Variants in PCDHA2 observed in about 807,000 individuals in gnomAD.
PCDHA2 encodes protocadherin alpha 2.
In PCDHA2, 58 loss-of-function variants were observed where a neutral mutation model predicts 66.0. That is an observed-to-expected ratio of 0.88 (90% CI 0.71 to 1.09). PCDHA2 has a LOEUF of 1.09. Ranked by LOEUF, PCDHA2 falls within the 50% of genes least tolerant of loss-of-function variation. PCDHA2 has a pLI of 0.00. For missense variants in PCDHA2, 1,267 were observed against 1,242.3 expected (o/e 1.02, Z -0.30); for synonymous variants, 634 against 554.0 (o/e 1.14, Z -2.03).
At chr5:140,923,116 T>C (rs1418111802) in intron 1 of PCDHA2, among the ~76,000 whole-genome samples, 1 of 152,216 alleles carries the variant, frequency 6.6e-6, no homozygotes, top group African/African-American at 2.4e-5. Flanking sequence ...TTTAAGTTTT[T>C]AGGGTCACAC....
intron 1 of PCDHA2, chr5:140,966,319 G>T: frequency 2.6e-6 from 1 of 388,824 alleles, no homozygotes; most frequent in Admixed American, 4.5e-5. Context: ...CCTGCGGTCC[G>T]CTGGGATCCG....
chr5:140,837,381 G>T (rs183895134), intron 1 of PCDHA2, among the ~76,000 whole-genome samples: 1 of 151,662 alleles, frequency 6.6e-6, no homozygotes, highest in Non-Finnish European at 1.5e-5. Flanking sequence ...TTTTTATTTT[G>T]TTCCTTGTTT....
chr5:140,939,812 A>T (rs1277082652), intron 1 of PCDHA2, among the ~76,000 whole-genome samples: 4 of 152,196 alleles, frequency 2.6e-5, no homozygotes, highest in Non-Finnish European at 2.9e-5. Flanking sequence ...ATGTTCAAGA[A>T]AAAGCAGTAT....
intron 1 of PCDHA2, among the ~76,000 whole-genome samples, chr5:140,922,066 C>A (rs1438475640): frequency 2.0e-5 from 3 of 151,528 alleles, no homozygotes; most frequent in Non-Finnish European, 4.4e-5. Context: ...TGTAGCAATC[C>A]CACTAAGCAA....
At chr5:140,802,412 C>T (rs782538317) in intron 1 of PCDHA2, 8 of 1,614,126 alleles carry the variant, frequency 5.0e-6, no homozygotes, top group African/African-American at 2.7e-5. Context: ...AGAATTACTA[C>T]TCATTGGTGC....
chr5:140,809,221 C>T, intron 1 of PCDHA2: 1 of 1,614,078 alleles, frequency 6.2e-7, no homozygotes. Context: ...CGCCAAAGGC[C>T]TCCTCACGGG....
Position 140,795,905 on chromosome 5 carries a change from A to G in PCDHA2, c.941A>G (p.Lys314Arg). 6.2e-7 allele frequency: 1 copy of G among 1,613,984 alleles called. No homozygotes were observed. Among genetic ancestry groups the G allele is most frequent in the Admixed American group, 1.7e-5 (1 of 60,026 alleles). ...GGAAAATTAGATTATGAAGAAGCAA[A>G]GTCCTACGAGATTCAGGTCACTGCA... ...TKGKLDYEEA[K>R]SYEIQVTATD... Residue 314 changes from lysine (K) to arginine (R), a missense_variant, in exon 1 of 4, where the codon AAG (lysine) becomes AGG (arginine). By Grantham distance (26) the Lys-to-Arg change is conservative. Coordinates refer to ENST00000526136, the MANE Select transcript of PCDHA2 (RefSeq NM_018905.3).
Position 140,927,631 on chromosome 5 carries a change from C to T in PCDHA2, c.2389-51318C>T, listed in dbSNP as rs760961070. 1.7e-5 allele frequency: 28 copies of T among 1,614,068 alleles called. No homozygotes were observed. In the Admixed American group the frequency reaches 2.5e-4, roughly 14 times the overall value. On this transcript the variant is annotated intron_variant, in intron 1 of 3. Coordinates refer to ENST00000526136, the MANE Select transcript of PCDHA2 (RefSeq NM_018905.3). ...CCGCACCAAGGTTCCAGAGACTGCA[C>T]CCAATGGGACTGTGTTATTCCGAGT...
chr5:140,808,267 A>AG (rs782560297), intron 1 of PCDHA2: 2 of 1,614,242 alleles, frequency 1.2e-6, no homozygotes, highest in Admixed American at 3.3e-5. Context: ...TTCCAATTAG[A>AG]GAGGACGCTC....
intron 1 of PCDHA2, chr5:140,835,779 G>A (rs1195624528): frequency 1.2e-6 from 2 of 1,613,242 alleles, no homozygotes; most frequent in African/African-American, 1.3e-5. Context: ...GTTCGTGAAG[G>A]AGAACAACCC....
At chr5:140,918,115 A>G (rs185486488) in intron 1 of PCDHA2, among the ~76,000 whole-genome samples, 14 of 152,198 alleles carry the variant, frequency 9.2e-5, no homozygotes, top group African/African-American at 3.1e-4. Flanking sequence ...CACATCCTTG[A>G]TTAGCCATAT....
intron 1 of PCDHA2, chr5:140,926,320 C>G (rs555057115): frequency 2.5e-3 from 377 of 152,358 alleles, no homozygotes; most frequent in Non-Finnish European, 3.8e-3. Flanking sequence ...AGAGGTGCGC[C>G]GGGGTCAGAG....
intron 1 of PCDHA2, among the ~76,000 whole-genome samples, chr5:140,955,006 C>G (rs1304080416): frequency 6.6e-6 from 1 of 152,154 alleles, no homozygotes; most frequent in African/African-American, 2.4e-5. Flanking sequence ...AGCCAATTCT[C>G]CCAGCACCAT....
chr5:140,966,234 C>T (rs77272068), intron 1 of PCDHA2: 2,919 of 290,608 alleles, frequency 0.01, 77 homozygotes, highest in African/African-American at 0.056. Context: ...CTTAAAGACC[C>T]GTTAAGCAGG....
At chr5:140,951,626 C>G (rs1182328214) in intron 1 of PCDHA2, among the ~76,000 whole-genome samples, 1 of 152,180 alleles carries the variant, frequency 6.6e-6, no homozygotes, top group East Asian at 1.9e-4. Context: ...AAGGGGGAAA[C>G]CTGCCCCATG....
intron 1 of PCDHA2, among the ~76,000 whole-genome samples, chr5:140,902,711 C>T (rs2153477998): frequency 6.6e-6 from 1 of 151,990 alleles, no homozygotes; most frequent in Middle Eastern, 3.4e-3. Context: ...TCTTTCACTC[C>T]CCTCCCACCC....
At chr5:140,823,528 G>T in intron 1 of PCDHA2, 1 of 1,613,758 alleles carries the variant, frequency 6.2e-7, no homozygotes. Context: ...GAGGTCAGTG[G>T]GTGCGGGCCA....
At chr5:140,926,911 G>A (rs1248832475) in intron 1 of PCDHA2, 4 of 1,561,318 alleles carry the variant, frequency 2.6e-6, no homozygotes, top group Non-Finnish European at 3.5e-6. Flanking sequence ...CTGTGGGGTG[G>A]CAGTTTTATG....
At chr5:140,889,218 G>T (rs1163027011) in intron 1 of PCDHA2, among the ~76,000 whole-genome samples, 1 of 151,574 alleles carries the variant, frequency 6.6e-6, no homozygotes, top group Non-Finnish European at 1.5e-5. Flanking sequence ...AAGAAGAATA[G>T]TCTTTGAAAA....
Sources: gnomAD v4.1 joint callset for allele counts (sites outside exome capture counted in the v4.1 genomes callset) on GRCh38, gnomAD v4.1.1 for gene constraint, MANE v1.5 for transcripts, NCBI Gene and HGNC (gene_info 2026-07-23, HGNC 2026-07-21) for gene names.